PPP1R10: variants seen among roughly 807,000 people sequenced by gnomAD.
PPP1R10 encodes the protein serine/threonine-protein phosphatase 1 regulatory subunit 10.
PPP1R10 carries 15 observed loss-of-function variants against 99.0 expected under a neutral mutation model. The ratio of observed to expected loss-of-function variants is 0.15; its 90% confidence interval spans 0.10 to 0.23. PPP1R10 has a LOEUF of 0.23. PPP1R10 is among the 10% of genes least tolerant of loss of function. The pLI, the probability that PPP1R10 is intolerant of heterozygous loss-of-function variation, is 1.00. For missense variants in PPP1R10, 947 were observed against 1,259.4 expected (o/e 0.75, Z 3.75); for synonymous variants, 430 against 449.5 (o/e 0.96, Z 0.55).
At position 30,603,463 on chromosome 6, in the gene PPP1R10, G is replaced by A. The variant is rs773620316; in HGVS notation, c.1767+9C>T. On this transcript the variant is annotated intron_variant, in intron 16 of 19. Coordinates refer to ENST00000376511, the MANE Select transcript of PPP1R10 (RefSeq NM_002714.4). ...ACAGAAGGTGGAAAAGGGGAAGGAGGGTGCGTACCATGATGGAGGTGAGGA... is the reference window on the plus strand; with the variant it reads ...ACAGAAGGTGGAAAAGGGGAAGGAGAGTGCGTACCATGATGGAGGTGAGGA... 2.5e-6 allele frequency: 4 copies of A among 1,603,178 alleles called. No homozygotes were observed. The highest frequency in any genetic ancestry group is 3.4e-5 in the Admixed American group (2 of 58,776).
rs553033386 is a variant in PPP1R10 at position 30,601,532 on chromosome 6, G to GGGCA, written c.*13_*16dup. 334 of 1,606,442 alleles carry GGGCA rather than the reference G, an allele frequency of 2.1e-4. 2 individuals are homozygous for GGGCA. Among genetic ancestry groups the GGGCA allele is most frequent in the South Asian group, 1.9e-3 (172 of 90,934 alleles). ...GCAGTCCACAGGGGTTGTGTGAACA[G>GGGCA]GGCAGGCAAATGGTCCCTAGGGCAG... On this transcript the variant is annotated 3_prime_UTR_variant, in exon 20 of 20. Coordinates refer to ENST00000376511, the MANE Select transcript of PPP1R10 (RefSeq NM_002714.4).
chr6:30,615,768 T>C (rs1332445909), intron 2 of PPP1R10, among the ~76,000 whole-genome samples: 1 of 152,120 alleles, frequency 6.6e-6, no homozygotes, highest in African/African-American at 2.4e-5. Context: ...CTGCAACAAT[T>C]ATAAGACATT....
chr6:30,612,254 T>C (rs148986136), intron 2 of PPP1R10, among the ~76,000 whole-genome samples: 1 of 152,338 alleles, frequency 6.6e-6, no homozygotes, highest in Non-Finnish European at 1.5e-5. Flanking sequence ...TATATAACCC[T>C]GGAGAATTCC....
In PPP1R10 at chr6:30,604,070, C is replaced by T; in HGVS notation, c.1446G>A (p.Glu482=). ...TCTCCCGCTCAGCCTGGATATATCG[C>T]TCCTGACTATTGCTTCCAGGGGTGA... ...PLVTPGSNSQ[E]RYIQAEREKG... The change falls in exon 14 of 20, where the codon GAG becomes GAA. Residue 482 remains glutamate, a synonymous_variant. Coordinates refer to ENST00000376511, the MANE Select transcript of PPP1R10 (RefSeq NM_002714.4). This position sits in a 1 kb window ranked among gnomAD's most constrained non-coding sequence, Gnocchi z 7.3. 1 of 1,613,990 alleles carries T rather than the reference C, an allele frequency of 6.2e-7. No homozygotes were observed. The highest frequency in any genetic ancestry group is 1.1e-5 in the South Asian group (1 of 91,060).
chr6:30,603,532 C>G lies in PPP1R10; in HGVS notation c.1707G>C (p.Lys569Asn). The change falls in exon 16 of 20, where the codon AAG becomes AAC. Residue 569 changes from lysine to asparagine, a missense_variant. Lys to Asn is a moderately conservative substitution (Grantham distance 94). This residue lies in a region of PPP1R10 where 525 missense variants were observed against 578.8 expected (regional missense o/e 0.91). Coordinates refer to ENST00000376511, the MANE Select transcript of PPP1R10 (RefSeq NM_002714.4). ...CTCCTCCTCCAGGGCCTTGGGGGCC[C>G]TTTCCAGCACCCATGCTTCCCATAA... ...ANLMGSMGAGKGPQGPGGGGI... is the reference protein window; with the variant it reads ...ANLMGSMGAGNGPQGPGGGGI... 7 of 1,613,982 alleles carry G rather than the reference C, an allele frequency of 4.3e-6. No individual in the cohort carries two copies. Among genetic ancestry groups the G allele is most frequent in the African/African-American group, 1.3e-5 (1 of 75,008 alleles).
intron 6 of PPP1R10, 143 bp downstream of exon 6, chr6:30,607,697 T>C: frequency 3.4e-6 from 3 of 885,104 alleles, no homozygotes; most frequent in Non-Finnish European, 3.6e-6. Context: ...TTAGAGGAAC[T>C]TTCTCTTTAA....
intron 2 of PPP1R10, among the ~76,000 whole-genome samples, chr6:30,610,553 C>A (rs1804456773): frequency 6.6e-6 from 1 of 152,178 alleles, no homozygotes; most frequent in South Asian, 2.1e-4. Context: ...AAAACAGAAT[C>A]CCTCCCTAAG....
chr6:30,606,972 C>A lies in PPP1R10; in HGVS notation c.383-116G>T. 1 of 942,190 alleles carries A rather than the reference C, an allele frequency of 1.1e-6. No homozygotes were observed. Among genetic ancestry groups the A allele is most frequent in the South Asian group, 1.5e-5 (1 of 65,718 alleles). The allele number at this position is 942,190 out of a possible 1,614,324, so 58.4% of individuals were successfully genotyped here. A position where few individuals can be genotyped will look rare whatever the true frequency, so the allele number is the denominator to read the frequency against. ...AAATTTATGTAACGGAGAAAGTAAC[C>A]CAAAGTTTTAAGAAGAACATGAGAT... is the stretch of plus-strand genomic sequence containing the variant. On this transcript the variant is annotated intron_variant, in intron 6 of 19. Transcript: ENST00000376511. The surrounding 1 kb of genome is among the most constrained non-coding windows in gnomAD (Gnocchi z 6.3).
In PPP1R10 at chr6:30,609,911, G is replaced by A. The variant is rs1414864704; in HGVS notation, c.34C>T (p.Leu12Phe). The change falls in exon 3 of 20, where the codon CTC becomes TTC. Residue 12 changes from leucine to phenylalanine, a missense_variant. Coordinates refer to ENST00000376511, the MANE Select transcript of PPP1R10 (RefSeq NM_002714.4). The surrounding 1 kb of genome is among the most constrained non-coding windows in gnomAD (Gnocchi z 4.5). ...GSGPIDPKEL[L>F]KGLDSFLNRD... ...TTAAGGAAGCTGTCCAGGCCCTTGAGAAGTTCTTTGGGGTCTATGGGACCC... is the reference window on the plus strand; with the variant it reads ...TTAAGGAAGCTGTCCAGGCCCTTGAAAAGTTCTTTGGGGTCTATGGGACCC... The A allele has an allele frequency of 3.1e-6, 5 of 1,614,104 alleles. No homozygotes were observed.
chr6:30,601,876 C>G (rs1457640900), intron 19 of PPP1R10, 60 bp downstream of exon 19: 1 of 1,451,210 alleles, frequency 6.9e-7, no homozygotes, highest in Non-Finnish European at 9.1e-7. Flanking sequence ...CTCTCACCCA[C>G]TCCCCAAAAG....
chr6:30,607,965 A>T, intron 5 of PPP1R10, 74 bp from the exon 6 acceptor site: 1 of 1,427,484 alleles, frequency 7.0e-7, no homozygotes, highest in Non-Finnish European at 9.8e-7. Context: ...AAAACGACAA[A>T]AGTTACAGTC....
Position 30,601,195 on chromosome 6 carries a change from T to C in PPP1R10, c.*354A>G, listed in dbSNP as rs1803277129. On this transcript the variant is annotated 3_prime_UTR_variant, in exon 20 of 20. Coordinates refer to ENST00000376511, the MANE Select transcript of PPP1R10 (RefSeq NM_002714.4). Reference sequence around the variant, plus strand: ...CATGTGGGGACCCGCAATAGAAGGGTAGGGGTGTTCGCCAGGATAACCAGC... The same window carrying C: ...CATGTGGGGACCCGCAATAGAAGGGCAGGGGTGTTCGCCAGGATAACCAGC... 7.3e-6 allele frequency: 2 copies of C among 274,518 alleles called. No individual in the cohort carries two copies. Among genetic ancestry groups the C allele is most frequent in the South Asian group, 7.5e-5 (1 of 13,258 alleles). The allele number at this position is 274,518 out of a possible 1,614,324, so 17.0% of individuals were successfully genotyped here.
chr6:30,604,852 C>T lies in PPP1R10; in HGVS notation c.955-117G>A, dbSNP rs372109997. 2.1e-4 allele frequency: 316 copies of T among 1,532,046 alleles called. 3 individuals are homozygous for T. The South Asian group carries it at 2.8e-3, about 14-fold the overall frequency. 94.9% of individuals were successfully genotyped at this position (1,532,046 alleles called of 1,614,324 possible). ...TCCTATATAAAGGAAGACTCTGTCT[C>T]CACAATGTCTCACCTGCACCAGTCT... On this transcript the variant is annotated intron_variant, in intron 11 of 19. Transcript: ENST00000376511. The surrounding 1 kb of genome is among the most constrained non-coding windows in gnomAD (Gnocchi z 7.3).
At chr6:30,615,724 TAATC>T (rs780406794) in intron 2 of PPP1R10, among the ~76,000 whole-genome samples, 50 of 152,332 alleles carry the variant, frequency 3.3e-4, no homozygotes, top group South Asian at 1.5e-3. Flanking sequence ...GTTAAAATGT[TAATC>T]ACTCTTTTGC....
chr6:30,610,189 C>T (rs2239515), intron 2 of PPP1R10, among the ~76,000 whole-genome samples: 6,760 of 152,236 alleles, frequency 0.044, 276 homozygotes, highest in African/African-American at 0.11. Context: ...GAAAGCAATT[C>T]GATTGGAGGA....
intron 2 of PPP1R10, among the ~76,000 whole-genome samples, chr6:30,613,607 G>A (rs987520866): frequency 1.3e-5 from 2 of 152,128 alleles, no homozygotes; most frequent in African/African-American, 4.8e-5. Context: ...CAATAAAGAT[G>A]CAAAATGATA....
rs761017174 is a variant in PPP1R10, at chr6:30,602,326, C to T, written c.2323G>A (p.Gly775Ser). 5 of 1,611,930 alleles carry T rather than the reference C, an allele frequency of 3.1e-6. No individual in the cohort carries two copies. The highest frequency in any genetic ancestry group is 1.3e-5 in the African/African-American group (1 of 74,562). Reference protein sequence around the residue: ...SGHRPHEGPGGGMGSGHRPHE... With the variant: ...SGHRPHEGPGSGMGSGHRPHE... ...GGGCGATGCCCACTTCCCATGCCAC[C>T]GCCAGGGCCTTCGTGGGGACGATGT... Residue 775 changes from glycine (G) to serine (S), a missense_variant, in exon 19 of 20, where the codon GGT (glycine) becomes AGT (serine). Transcript: ENST00000376511. The surrounding 1 kb of genome is among the most constrained non-coding windows in gnomAD (Gnocchi z 6.7).
rs369526462 is a variant in PPP1R10 at position 30,608,818 on chromosome 6, G to C, written c.291C>G (p.Thr97=). 1.7e-4 allele frequency: 267 copies of C among 1,614,048 alleles called. 8 individuals are homozygous for C. Among genetic ancestry groups the C allele is most frequent in the East Asian group, 8.9e-4 (40 of 44,872 alleles). Residue 97 remains threonine, a synonymous_variant, in exon 5 of 20, where the codon ACC becomes ACG. Transcript: ENST00000376511. ...CTACAGTGAGCGGTAGATGCTGCAGGGTCAGTAGAATTTGCTGGAGGAGGG... is the reference window on the plus strand; with the variant it reads ...CTACAGTGAGCGGTAGATGCTGCAGCGTCAGTAGAATTTGCTGGAGGAGGG... The part of the protein sequence containing the change: ...NIPLLQQILL[T]LQHLPLTVDH...
At chr6:30,607,701 T>C in intron 6 of PPP1R10, 139 bp downstream of exon 6, 2 of 910,746 alleles carry the variant, frequency 2.2e-6, no homozygotes, top group Non-Finnish European at 3.5e-6. Context: ...AGGAACTTTC[T>C]CTTTAAAAGA....
Sources: gnomAD v4.1 joint callset for allele counts (sites outside exome capture counted in the v4.1 genomes callset) on GRCh38, gnomAD v4.1.1 for gene constraint, gnomAD v4.1.1 regional missense constraint, Gnocchi (gnomAD v3.1) non-coding constraint, MANE v1.5 for transcripts, NCBI Gene and HGNC (gene_info 2026-07-23, HGNC 2026-07-21) for gene names.